CACNA1C: variants seen among roughly 807,000 people sequenced by gnomAD.
CACNA1C encodes the protein calcium voltage-gated channel subunit alpha1 C, also known as voltage-dependent L-type calcium channel subunit alpha-1C.
Under a neutral mutation model 229.0 loss-of-function variants are expected in CACNA1C, and 30 were observed. The ratio of observed to expected loss-of-function variants is 0.13; its 90% CI spans 0.10 to 0.18. The LOEUF is 0.18. CACNA1C is among the 10% of genes least tolerant of loss of function. The probability of loss-of-function intolerance (pLI) is 1.00; values close to 1 mark genes in which losing one functional copy is unlikely to be tolerated. For missense variants in CACNA1C, 1,658 were observed against 2,845.0 expected, an observed-to-expected ratio of 0.58 and a Z score of 9.49; for synonymous variants, 1,114 against 1,132.5, an observed-to-expected ratio of 0.98 and a Z score of 0.33.
At chr12:2,408,668 A>T (rs924481435) in intron 3 of CACNA1C, among the ~76,000 whole-genome samples, 7 of 152,098 alleles carry the variant, frequency 4.6e-5, no homozygotes, top group Non-Finnish European at 1.0e-4. Flanking sequence ...TTTTGGTTGC[A>T]CTTAGTAGGG....
chr12:2,421,401 G>A (rs1388529191), intron 3 of CACNA1C, among the ~76,000 whole-genome samples: 1 of 152,214 alleles, frequency 6.6e-6, no homozygotes, highest in East Asian at 1.9e-4. Flanking sequence ...GTTTCATACT[G>A]TTAATTAAAT....
intron 1 of CACNA1C, among the ~76,000 whole-genome samples, chr12:2,092,185 C>A (rs1230443411): frequency 6.6e-6 from 1 of 152,182 alleles, no homozygotes; most frequent in Non-Finnish European, 1.5e-5. Context: ...GAATGAAGGG[C>A]GCGAAGGCAC....
chr12:2,281,029 G>A (rs1042444054), intron 3 of CACNA1C, among the ~76,000 whole-genome samples: 1 of 152,064 alleles, frequency 6.6e-6, no homozygotes, highest in African/African-American at 2.4e-5. Flanking sequence ...AGTTACATAT[G>A]TATACATGTG....
intron 37 of CACNA1C, among the ~76,000 whole-genome samples, chr12:2,668,122 T>TTTCTC (rs2096326129): frequency 1.3e-5 from 1 of 76,150 alleles, no homozygotes; most frequent in South Asian, 7.6e-4. Flanking sequence ...CCTGTGATCC[T>TTTCTC]TTCTCTTCTC....
At position 2,054,941 on chromosome 12, in the gene CACNA1C, G is replaced by C. The variant is rs970610506; in HGVS notation, c.49+1330G>C. 6.6e-6 allele frequency among the ~76,000 whole-genome samples: 1 copy of C among 152,070 alleles called. No individual in the cohort carries two copies. The highest frequency in any genetic ancestry group is 2.4e-5 in the African/African-American group (1 of 41,430). On this transcript the variant is annotated intron_variant, in intron 1 of 46. Coordinates refer to ENST00000399655, the MANE Select transcript of CACNA1C (RefSeq NM_000719.7). The surrounding 1 kb of genome is among the most constrained non-coding windows in gnomAD (Gnocchi z 5.5). ...TGTTTGCTCCCAGCTCCACCTTTTGGGGACAGGGCCTTCACTCTTTAGAGC... is the reference window on the plus strand; with the variant it reads ...TGTTTGCTCCCAGCTCCACCTTTTGCGGACAGGGCCTTCACTCTTTAGAGC...
In CACNA1C at chr12:2,597,341, G is replaced by C. The variant is rs1374434736; in HGVS notation, c.2853+52G>C. 2.6e-6 allele frequency: 4 copies of C among 1,522,108 alleles called. No individual in the cohort carries two copies. Among genetic ancestry groups the C allele is most frequent in the South Asian group, 1.1e-5 (1 of 89,174 alleles). The allele number at this position is 1,522,108 out of a possible 1,614,324, so 94.3% of individuals were successfully genotyped here. A position where few individuals can be genotyped will look rare whatever the true frequency, so the allele number is the denominator to read the frequency against. ...TCCTGTCCCCCTTGTGCCAGCACCA[G>C]GTCTCTGCCGCTGTCTGTCGCTAAC... is the stretch of plus-strand genomic sequence containing the variant. On this transcript the variant is annotated intron_variant, in intron 21 of 46. Coordinates refer to ENST00000399655, the MANE Select transcript of CACNA1C (RefSeq NM_000719.7). This position sits in a 1 kb window ranked among gnomAD's most constrained non-coding sequence, Gnocchi z 4.3.
intron 11 of CACNA1C, among the ~76,000 whole-genome samples, chr12:2,560,060 G>A (rs1360768511): frequency 6.6e-6 from 1 of 152,160 alleles, no homozygotes; most frequent in African/African-American, 2.4e-5. Context: ...ATCTCAGTCT[G>A]GACTGACCAT....
At chr12:2,103,584 G>C (rs1452103495) in intron 1 of CACNA1C, among the ~76,000 whole-genome samples, 1 of 152,166 alleles carries the variant, frequency 6.6e-6, no homozygotes, top group Non-Finnish European at 1.5e-5. Flanking sequence ...AGTTTAATCA[G>C]ATCCCATTTG....
chr12:2,584,696 G>A, intron 16 of CACNA1C, 79 bp downstream of exon 16: 1 of 961,822 alleles, frequency 1.0e-6, no homozygotes, highest in Non-Finnish European at 1.6e-6. Context: ...GCAGAGAGAG[G>A]CTTGACTGCT....
chr12:2,459,436 C>T (rs1438547177), intron 5 of CACNA1C, among the ~76,000 whole-genome samples: 1 of 152,158 alleles, frequency 6.6e-6, no homozygotes, highest in Non-Finnish European at 1.5e-5. Context: ...AGGGAACTTA[C>T]TGAATAAGCA....
rs1407565379 is a variant in CACNA1C at position 2,575,086 on chromosome 12, C to T, written c.1896-6504C>T. ...CCCAGGTCCAGGCCAGACCACCTTG[C>T]CCGCTTGACCAGGTTACACTCCCCA... On this transcript the variant is annotated intron_variant, in intron 13 of 46. Coordinates refer to ENST00000399655, the MANE Select transcript of CACNA1C (RefSeq NM_000719.7). This position sits in a 1 kb window ranked among gnomAD's most constrained non-coding sequence, Gnocchi z 4.0. Among the ~76,000 whole-genome samples, 2 of 152,208 alleles carry T rather than the reference C, an allele frequency of 1.3e-5. No homozygotes were observed. The highest frequency in any genetic ancestry group is 2.4e-5 in the African/African-American group (1 of 41,458).
At chr12:2,510,998 C>A (rs1361746473) in intron 8 of CACNA1C, among the ~76,000 whole-genome samples, 1 of 152,196 alleles carries the variant, frequency 6.6e-6, no homozygotes, top group East Asian at 1.9e-4. Context: ...AGCAAAGTTT[C>A]CCTCGCCATT....
chr12:2,459,753 G>C (rs1218986712), intron 5 of CACNA1C, among the ~76,000 whole-genome samples: 1 of 152,210 alleles, frequency 6.6e-6, no homozygotes, highest in Admixed American at 6.5e-5. Flanking sequence ...AGCTTGTAAT[G>C]GTACCGCCAG....
chr12:2,395,324 T>C (rs1459022140), intron 3 of CACNA1C, among the ~76,000 whole-genome samples: 1 of 151,574 alleles, frequency 6.6e-6, no homozygotes, highest in East Asian at 1.9e-4. Context: ...GTTGAAGAGA[T>C]TCCCCTGCCT....
intron 10 of CACNA1C, among the ~76,000 whole-genome samples, chr12:2,552,325 G>A (rs2370594): frequency 0.74 from 111,897 of 151,590 alleles, 41,950 homozygotes; most frequent in East Asian, 0.92. Context: ...GCAACTATAG[G>A]ATTGGGGTAA....
chr12:2,492,025 C>T (rs56936279), intron 6 of CACNA1C, among the ~76,000 whole-genome samples: 11,274 of 151,378 alleles, frequency 0.074, 591 homozygotes, highest in African/African-American at 0.16. Flanking sequence ...TTGTTATAGG[C>T]AATCATTTAT....
At chr12:2,161,960 C>T (rs529090289) in intron 3 of CACNA1C, among the ~76,000 whole-genome samples, 1 of 152,316 alleles carries the variant, frequency 6.6e-6, no homozygotes, top group East Asian at 1.9e-4. Flanking sequence ...TGGCACTTAA[C>T]TGTTCTGTTT....
intron 8 of CACNA1C, among the ~76,000 whole-genome samples, chr12:2,509,173 C>T (rs2099778109): frequency 6.6e-6 from 1 of 152,192 alleles, no homozygotes; most frequent in Admixed American, 6.5e-5. Flanking sequence ...GGGAGGTAGG[C>T]ATTTTACAGC....
At chr12:2,112,518 A>G (rs2082158581) in intron 1 of CACNA1C, among the ~76,000 whole-genome samples, 1 of 152,138 alleles carries the variant, frequency 6.6e-6, no homozygotes, top group Admixed American at 6.5e-5. Flanking sequence ...TGGTGAGGTG[A>G]GAGTCGGTGT....
Sources: gnomAD v4.1 joint callset for allele counts (sites outside exome capture counted in the v4.1 genomes callset) on GRCh38, gnomAD v4.1.1 for gene constraint, Gnocchi (gnomAD v3.1) non-coding constraint, MANE v1.5 for transcripts, NCBI Gene and HGNC (gene_info 2026-07-23, HGNC 2026-07-21) for gene names.